Variants in TEAD2 observed in about 807,000 individuals in gnomAD.
The protein encoded by TEAD2 is transcriptional enhancer factor TEF-4.
A neutral mutation model predicts 61.4 loss-of-function variants in TEAD2; 51 were observed. The ratio of observed to expected loss-of-function variants is 0.83; its 90% confidence interval spans 0.66 to 1.05. TEAD2 has a LOEUF of 1.05. Ranked by LOEUF, TEAD2 falls within the 50% of genes least tolerant of loss-of-function variation. TEAD2 has a pLI of 0.00. For synonymous variants in TEAD2, 244 were observed against 243.2 expected (o/e 1.00, Z -0.03); for missense variants, 509 against 600.0 (o/e 0.85, Z 1.58).
chr19:49,358,954 G>T (rs987652090), intron 3 of TEAD2, among the ~76,000 whole-genome samples: 3 of 152,024 alleles, frequency 2.0e-5, no homozygotes, highest in African/African-American at 7.2e-5. Context: ...GCCTTGCCAG[G>T]CACAGTAGCT....
At chr19:49,347,415 C>A in intron 9 of TEAD2, 52 bp from the exon 10 acceptor site, 1 of 1,581,386 alleles carries the variant, frequency 6.3e-7, no homozygotes, top group Non-Finnish European at 8.6e-7. Context: ...GGATCTCCAG[C>A]CTGTGCTGCC....
At chr19:49,357,477 A>G in intron 3 of TEAD2, 163 bp from the exon 4 acceptor site, 1 of 738,422 alleles carries the variant, frequency 1.4e-6, no homozygotes, top group Non-Finnish European at 2.3e-6. Context: ...ACAGATGTCC[A>G]TAAAGGAGCT....
chr19:49,360,047 AG>A lies in TEAD2; in HGVS notation c.28del (p.Leu10TrpfsTer59). On this transcript the variant is annotated frameshift_variant, in exon 2 of 13. Coordinates refer to ENST00000593945, the MANE Select transcript of TEAD2 (RefSeq NM_001256660.2). LOFTEE classifies it high-confidence loss of function. MGEPRAGAA[L>X]DDGSGWTGSE... The stretch of plus-strand genomic sequence containing the variant: ...GCCCGTCCAGCCGCTGCCATCGTCC[AG>A]GGCGGCCCCAGCCCGGGGTTCCCCC... 2 of 1,607,410 alleles carry A rather than the reference AG, an allele frequency of 1.2e-6. No individual in the cohort carries two copies.
chr19:49,350,538 T>C (rs986052593), intron 8 of TEAD2, among the ~76,000 whole-genome samples: 9 of 152,148 alleles, frequency 5.9e-5, no homozygotes, highest in African/African-American at 2.2e-4. Flanking sequence ...TTTCGCCATG[T>C]TGGCCAGGTT....
At chr19:49,347,503 C>T in intron 9 of TEAD2, 140 bp from the exon 10 acceptor site, 2 of 956,864 alleles carry the variant, frequency 2.1e-6, no homozygotes, top group East Asian at 2.6e-5. Context: ...CTGGGCCTGA[C>T]TGCCACCCAT....
intron 9 of TEAD2, 83 bp downstream of exon 9, chr19:49,348,620 T>C: frequency 7.6e-7 from 1 of 1,312,904 alleles, no homozygotes; most frequent in Non-Finnish European, 1.1e-6. Context: ...GCTAAAGTTT[T>C]AAAACCATGA....
chr19:49,352,277 C>A (rs757599460), intron 7 of TEAD2, among the ~76,000 whole-genome samples: 1 of 152,188 alleles, frequency 6.6e-6, no homozygotes, highest in East Asian at 1.9e-4. Flanking sequence ...GGCCACTGAG[C>A]ACAAGTGTGG....
At chr19:49,354,494 A>G (rs1392873758) in intron 7 of TEAD2, among the ~76,000 whole-genome samples, 1 of 150,190 alleles carries the variant, frequency 6.7e-6, no homozygotes, top group African/African-American at 2.5e-5. Flanking sequence ...ACAGAAGAAT[A>G]TCCTGTATAA....
At chr19:49,356,063 G>GCC in intron 4 of TEAD2, 93 bp from the exon 5 acceptor site, 1 of 855,480 alleles carries the variant, frequency 1.2e-6, no homozygotes, top group African/African-American at 1.8e-5. Context: ...TGCCCTACCC[G>GCC]CCCGCACAGC....
At chr19:49,344,564 A>G (rs530412760) in intron 10 of TEAD2, among the ~76,000 whole-genome samples, 1 of 152,334 alleles carries the variant, frequency 6.6e-6, no homozygotes, top group African/African-American at 2.4e-5. Context: ...TACAGGCATG[A>G]GCCACTGTGT....
At position 49,359,513 on chromosome 19, in the gene TEAD2, G is replaced by A. The variant is rs774405075; in HGVS notation, c.233-14C>T. On this transcript the variant is annotated splice_polypyrimidine_tract_variant and intron_variant, in intron 2 of 12. Transcript: ENST00000593945. This position sits in a 1 kb window ranked among gnomAD's most constrained non-coding sequence, Gnocchi z 4.1. Reference sequence around the variant, plus strand: ...GTTCATTCCGACCTGAAGATTCAAAGACGGAACAGAGTTAGTTAGACTTTC... The same window carrying A: ...GTTCATTCCGACCTGAAGATTCAAAAACGGAACAGAGTTAGTTAGACTTTC... 22 of 1,613,954 alleles carry A rather than the reference G, an allele frequency of 1.4e-5. No individual in the cohort carries two copies. The highest frequency in any genetic ancestry group is 1.7e-5 in the Non-Finnish European group (20 of 1,179,932).
chr19:49,347,242 C>T lies in TEAD2; in HGVS notation c.869G>A (p.Arg290Gln), dbSNP rs376259936. The change falls in exon 10 of 13, where the codon CGA becomes CAA. Residue 290 changes from arginine to glutamine, a missense_variant. Transcript: ENST00000593945. Reference sequence around the variant, plus strand: ...GGGGGGGCCACGATCATATAGCTCTCGGAGGCCACCCTTTTTCTCAGGGAA... The same window carrying T: ...GGGGGGGCCACGATCATATAGCTCTTGGAGGCCACCCTTTTTCTCAGGGAA... ...DKFPEKKGGL[R>Q]ELYDRGPPHA... is the part of the protein sequence containing the mutation. The T allele has an allele frequency of 1.4e-5, 22 of 1,614,028 alleles. 1 individual carries two copies. Among genetic ancestry groups the T allele is most frequent in the African/African-American group, 9.3e-5 (7 of 74,906 alleles).
chr19:49,361,341 G>A (rs1972912547), intron 1 of TEAD2: 1 of 153,314 alleles, frequency 6.5e-6, no homozygotes, highest in African/African-American at 2.4e-5. Context: ...CAGAGAGAGG[G>A]GGACAGAGGC....
At chr19:49,342,707 C>G (rs1348088550) in intron 11 of TEAD2, 117 bp from the exon 12 acceptor site, 15 of 1,312,166 alleles carry the variant, frequency 1.1e-5, no homozygotes, top group Non-Finnish European at 1.4e-5. Flanking sequence ...TCACTGCCAC[C>G]TTCCTTTCAT....
chr19:49,355,052 TGGGGGG>T, intron 7 of TEAD2, 90 bp downstream of exon 7: 168 of 765,142 alleles, frequency 2.2e-4, no homozygotes, highest in Non-Finnish European at 3.5e-4. Flanking sequence ...CATACATAAA[TGGGGGG>T]ACACAGGAGC....
At chr19:49,351,439 G>C (rs960773298) in intron 7 of TEAD2, 74 bp from the exon 8 acceptor site, 1 of 1,383,362 alleles carries the variant, frequency 7.2e-7, no homozygotes, top group Non-Finnish European at 1.0e-6. Flanking sequence ...TTACTGAGAG[G>C]CCACAACAAG....
Position 49,342,594 on chromosome 19 carries a change from A to C in TEAD2, c.1090-4T>G. 6.2e-7 allele frequency: 1 copy of C among 1,608,110 alleles called. No homozygotes were observed. The highest frequency in any genetic ancestry group is 8.5e-7 in the Non-Finnish European group (1 of 1,175,588). On this transcript the variant is annotated splice_region_variant and splice_polypyrimidine_tract_variant and intron_variant, in intron 11 of 12. Transcript: ENST00000593945. ...CCTCCAGCTGGGCCCGTTCCGTCTG[A>C]ACCAAGGGGAAGGGAGTTGGGAAAA...
At chr19:49,351,732 T>C (rs1972037402) in intron 7 of TEAD2, among the ~76,000 whole-genome samples, 1 of 152,054 alleles carries the variant, frequency 6.6e-6, no homozygotes, top group African/African-American at 2.4e-5. Flanking sequence ...ACACCTGTAA[T>C]CCCAGCACTT....
At chr19:49,351,213 T>C (rs972316935) in intron 8 of TEAD2, 88 bp downstream of exon 8, 1 of 1,254,004 alleles carries the variant, frequency 8.0e-7, no homozygotes, top group African/African-American at 1.5e-5. Context: ...AAACAATGTA[T>C]CCCTCAATTG....
Sources: gnomAD v4.1 joint callset for allele counts (sites outside exome capture counted in the v4.1 genomes callset) on GRCh38, gnomAD v4.1.1 for gene constraint, Gnocchi (gnomAD v3.1) non-coding constraint, MANE v1.5 for transcripts, NCBI Gene and HGNC (gene_info 2026-07-23, HGNC 2026-07-21) for gene names.